Variants in EYA4 observed in about 807,000 individuals in gnomAD.
EYA4 encodes the protein EYA transcriptional coactivator and phosphatase 4.
A neutral mutation model predicts 87.9 loss-of-function variants in EYA4; 31 were observed. The observed-to-expected ratio is 0.35, with a 90% CI of 0.27 to 0.48. EYA4 has a LOEUF of 0.48. Ranked by LOEUF, EYA4 falls within the 20% of genes least tolerant of loss-of-function variation. EYA4 has a pLI of 0.99. For synonymous variants in EYA4, 263 were observed against 270.6 expected (o/e 0.97, Z 0.28); for missense variants, 678 against 761.4 (o/e 0.89, Z 1.29).
intron 3 of EYA4, among the ~76,000 whole-genome samples, chr6:133,431,131 T>C (rs1411388112): frequency 6.6e-6 from 1 of 151,940 alleles, no homozygotes; most frequent in African/African-American, 2.4e-5. Context: ...ATGTAGGGAA[T>C]TGGGGCTCTG....
intron 17 of EYA4, among the ~76,000 whole-genome samples, chr6:133,517,247 G>C (rs930579385): frequency 6.6e-6 from 1 of 152,088 alleles, no homozygotes; most frequent in African/African-American, 2.4e-5. Flanking sequence ...GAAGGAGGGA[G>C]AGGATCAGCA....
At chr6:133,340,507 G>A (rs1265053786) in intron 2 of EYA4, among the ~76,000 whole-genome samples, 1 of 152,162 alleles carries the variant, frequency 6.6e-6, no homozygotes, top group Non-Finnish European at 1.5e-5. Flanking sequence ...ATTAGGGTAG[G>A]TGAGCCCCAT....
chr6:133,507,580 G>T (rs1445182251), intron 14 of EYA4, among the ~76,000 whole-genome samples: 1 of 151,994 alleles, frequency 6.6e-6, no homozygotes, highest in Non-Finnish European at 1.5e-5. Context: ...CTGTGTCCAT[G>T]TGTTCTCATT....
intron 17 of EYA4, among the ~76,000 whole-genome samples, chr6:133,518,483 T>C (rs1280485314): frequency 6.6e-6 from 1 of 152,268 alleles, no homozygotes; most frequent in Admixed American, 6.5e-5. Context: ...AACCCAATAG[T>C]TTTCACAAAA....
intron 5 of EYA4, among the ~76,000 whole-genome samples, chr6:133,451,695 C>T (rs1004688682): frequency 6.6e-6 from 1 of 152,034 alleles, no homozygotes; most frequent in Non-Finnish European, 1.5e-5. Context: ...TAATGAATGC[C>T]ATAATATGTT....
At chr6:133,377,299 A>G (rs1785774856) in intron 2 of EYA4, among the ~76,000 whole-genome samples, 1 of 152,068 alleles carries the variant, frequency 6.6e-6, no homozygotes, top group African/African-American at 2.4e-5. Context: ...AAGATATTCT[A>G]CTTCCTCTTT....
chr6:133,299,730 A>T (rs1327334139), intron 2 of EYA4, among the ~76,000 whole-genome samples: 2 of 128,942 alleles, frequency 1.6e-5, no homozygotes, highest in Admixed American at 1.7e-4. Context: ...AAAATAAAAT[A>T]AAATAAAATA....
At chr6:133,444,368 C>T (rs148160683) in intron 3 of EYA4, among the ~76,000 whole-genome samples, 16 of 152,148 alleles carry the variant, frequency 1.1e-4, no homozygotes, top group African/African-American at 2.9e-4. Flanking sequence ...TAATTATCTG[C>T]GTGGTATATC....
At chr6:133,453,036 G>T (rs1433558100) in intron 5 of EYA4, 1 of 151,954 alleles carries the variant, frequency 6.6e-6, no homozygotes, top group Non-Finnish European at 1.5e-5. Context: ...TAATGATTTT[G>T]GTTTGCTGTC....
intron 3 of EYA4, among the ~76,000 whole-genome samples, chr6:133,400,957 T>C (rs1413852403): frequency 6.6e-6 from 1 of 152,214 alleles, no homozygotes; most frequent in African/African-American, 2.4e-5. Context: ...CAAGGTTTCC[T>C]ATTTTCTCCT....
At chr6:133,258,383 C>T (rs1379592265) in intron 1 of EYA4, among the ~76,000 whole-genome samples, 3 of 152,222 alleles carry the variant, frequency 2.0e-5, no homozygotes, top group East Asian at 1.9e-4. Context: ...TTTTTTATTG[C>T]GATCTTTTTC....
chr6:133,348,516 C>T (rs1157545342), intron 2 of EYA4, among the ~76,000 whole-genome samples: 2 of 151,944 alleles, frequency 1.3e-5, no homozygotes, highest in South Asian at 2.1e-4. Flanking sequence ...TCACCTGCCT[C>T]GGCCTCCCAA....
chr6:133,335,076 A>T (rs1045799692), intron 2 of EYA4, among the ~76,000 whole-genome samples: 5 of 152,356 alleles, frequency 3.3e-5, no homozygotes, highest in African/African-American at 1.2e-4. Flanking sequence ...AAGGATAATT[A>T]TATTTAGCTA....
At chr6:133,253,719 C>G (rs1249333991) in intron 1 of EYA4, among the ~76,000 whole-genome samples, 2 of 152,068 alleles carry the variant, frequency 1.3e-5, no homozygotes, top group South Asian at 2.1e-4. Flanking sequence ...CTCTGTGAAG[C>G]CTTCCTTAAG....
rs1443093973 is a variant in EYA4, at chr6:133,529,986, T to C, written c.*1181T>C. On this transcript the variant is annotated 3_prime_UTR_variant, in exon 20 of 20. Transcript: ENST00000355286. ...AACATGGCATAAAATTCACATTGAG[T>C]GCACAGGGCTTAAAATAAAGCTAAG... The C allele has an allele frequency of 1.0e-6, 1 of 985,332 alleles. No individual in the cohort carries two copies. Among genetic ancestry groups the C allele is most frequent in the Non-Finnish European group, 1.2e-6 (1 of 829,936 alleles). 61.0% of individuals were successfully genotyped at this position (985,332 alleles called of 1,614,324 possible).
chr6:133,284,703 A>C (rs1777891704), intron 2 of EYA4, among the ~76,000 whole-genome samples: 1 of 152,206 alleles, frequency 6.6e-6, no homozygotes, highest in Non-Finnish European at 1.5e-5. Flanking sequence ...TAGTTCTTTT[A>C]AAACGAGACT....
At chr6:133,353,149 A>G (rs1783765665) in intron 2 of EYA4, among the ~76,000 whole-genome samples, 1 of 152,158 alleles carries the variant, frequency 6.6e-6, no homozygotes, top group African/African-American at 2.4e-5. Flanking sequence ...AATGAAGATA[A>G]CTTTCCTGAA....
At chr6:133,259,871 T>C (rs1381780408) in intron 1 of EYA4, among the ~76,000 whole-genome samples, 1 of 152,172 alleles carries the variant, frequency 6.6e-6, no homozygotes, top group Non-Finnish European at 1.5e-5. Flanking sequence ...ATAATTGTGA[T>C]TTTGTTATTG....
intron 2 of EYA4, among the ~76,000 whole-genome samples, chr6:133,282,754 G>A (rs538304514): frequency 3.4e-4 from 52 of 152,266 alleles, no homozygotes; most frequent in African/African-American, 1.1e-3. Context: ...GGCTACATCC[G>A]AGCTCATTGG....
Sources: allele counts gnomAD v4.1 joint callset (sites outside exome capture counted in the v4.1 genomes callset), GRCh38; gene constraint gnomAD v4.1.1; transcripts MANE v1.5; gene names NCBI Gene and HGNC (gene_info 2026-07-23, HGNC 2026-07-21).